The following SNX25 variants were observed in gnomAD, a reference collection of about 807,000 sequenced individuals.
The protein encoded by SNX25 is sorting nexin-25.
In SNX25, 62 loss-of-function variants were observed where a neutral mutation model predicts 113.7. The observed-to-expected ratio is 0.55, with a 90% confidence interval of 0.44 to 0.67. The LOEUF is 0.67. Ranked by LOEUF, SNX25 falls within the 30% of genes least tolerant of loss-of-function variation. SNX25 has a pLI of 0.00. For missense variants in SNX25, 1,014 were observed against 1,161.0 expected (o/e 0.87, Z 1.84); for synonymous variants, 421 against 436.2 (o/e 0.97, Z 0.43).
At chr4:185,296,952 A>G (rs969955093) in intron 6 of SNX25, among the ~76,000 whole-genome samples, 16 of 152,082 alleles carry the variant, frequency 1.1e-4, no homozygotes, top group African/African-American at 3.9e-4. Flanking sequence ...TTCAGTGTTC[A>G]TCTTCTTTGA....
chr4:185,245,364 C>T (rs1409732681), intron 1 of SNX25, among the ~76,000 whole-genome samples: 2 of 151,452 alleles, frequency 1.3e-5, no homozygotes, highest in Admixed American at 6.6e-5. Context: ...TTCTCCCAGA[C>T]AGAGTCTTGC....
At chr4:185,230,650 C>T (rs1002855580) in intron 1 of SNX25, among the ~76,000 whole-genome samples, 5 of 151,770 alleles carry the variant, frequency 3.3e-5, no homozygotes, top group East Asian at 1.9e-4. Flanking sequence ...CCACCTGCCT[C>T]GGCCTCCCAA....
chr4:185,223,535 C>T (rs2126363377), intron 1 of SNX25, among the ~76,000 whole-genome samples: 1 of 152,326 alleles, frequency 6.6e-6, no homozygotes, highest in South Asian at 2.1e-4. Context: ...GGGGCGGCGG[C>T]TCACGCCTGT....
intron 18 of SNX25, 36 bp downstream of exon 18, chr4:185,362,747 ATTT>A: frequency 6.6e-7 from 1 of 1,524,362 alleles, no homozygotes; most frequent in Admixed American, 1.8e-5. Context: ...TTCCTGCTTT[ATTT>A]TTGTCTGTTT....
In SNX25 at chr4:185,363,451, G is replaced by A. The variant is rs1198554493; in HGVS notation, c.3001G>A (p.Ala1001Thr). The change falls in exon 19 of 19, where the codon GCT (alanine) becomes ACT (threonine). Residue 1001 changes from alanine to threonine, a missense_variant. Physicochemically the swap from Ala to Thr is moderately conservative, Grantham distance 58 (BLOSUM62 0). Coordinates refer to ENST00000652585, the MANE Select transcript of SNX25 (RefSeq NM_001378034.2). This position sits in a 1 kb window ranked among gnomAD's most constrained non-coding sequence, Gnocchi z 4.2. Reference sequence around the variant, plus strand: ...GAGAGTTCATTTAGATCAACTTAAAGCTGGCCAAGTTTGAGACTACACAAA... The same window carrying A: ...GAGAGTTCATTTAGATCAACTTAAAACTGGCCAAGTTTGAGACTACACAAA... ...ELRVHLDQLK[A>T]GQV is the part of the protein sequence containing the mutation. 1 of 1,614,016 alleles carries A rather than the reference G, an allele frequency of 6.2e-7. No individual in the cohort carries two copies. Among genetic ancestry groups the A allele is most frequent in the South Asian group, 1.1e-5 (1 of 91,076 alleles).
At position 185,363,579 on chromosome 4, in the gene SNX25, C is replaced by G; in HGVS notation, c.*114C>G. 1 of 938,106 alleles carries G rather than the reference C, an allele frequency of 1.1e-6. No homozygotes were observed. Among genetic ancestry groups the G allele is most frequent in the Non-Finnish European group, 1.6e-6 (1 of 610,328 alleles). The allele number at this position is 938,106 out of a possible 1,614,324, so 58.1% of individuals were successfully genotyped here. On this transcript the variant is annotated 3_prime_UTR_variant, in exon 19 of 19. Coordinates refer to ENST00000652585, the MANE Select transcript of SNX25 (RefSeq NM_001378034.2). The surrounding 1 kb of genome is among the most constrained non-coding windows in gnomAD (Gnocchi z 4.2). ...CCGTATTGATTTTTATTTTAGTTAC[C>G]TCCCTCTAGTTTTATGTGAAATTAG...
chr4:185,346,743 G>A (rs2095288930), intron 13 of SNX25, 93 bp downstream of exon 13: 3 of 785,492 alleles, frequency 3.8e-6, no homozygotes, highest in Non-Finnish European at 6.0e-6. Flanking sequence ...TTTGCTTTTT[G>A]TTCTCACAAG....
At chr4:185,300,713 A>G (rs747602701) in intron 6 of SNX25, among the ~76,000 whole-genome samples, 9 of 152,162 alleles carry the variant, frequency 5.9e-5, no homozygotes, top group African/African-American at 1.9e-4. Flanking sequence ...TGTCCCCCCA[A>G]ATTCATATGT....
intron 3 of SNX25, among the ~76,000 whole-genome samples, chr4:185,260,313 A>C (rs1171412514): frequency 6.6e-6 from 1 of 152,098 alleles, no homozygotes; most frequent in African/African-American, 2.4e-5. Flanking sequence ...TACATTCTTA[A>C]AAGTTTCTGA....
intron 8 of SNX25, 93 bp downstream of exon 8, chr4:185,320,957 C>T (rs574124262): frequency 3.2e-4 from 369 of 1,148,204 alleles, no homozygotes; most frequent in Non-Finnish European, 4.1e-4. Flanking sequence ...GATAAGTATA[C>T]ATTAAAAATA....
At chr4:185,212,438 T>A (rs1737975106) in intron 1 of SNX25, among the ~76,000 whole-genome samples, 1 of 150,882 alleles carries the variant, frequency 6.6e-6, no homozygotes, top group Admixed American at 6.6e-5. Flanking sequence ...AAGCCTCTAG[T>A]GCTGTATTTC....
rs569687712 is a variant in SNX25 at position 185,240,219 on chromosome 4, C to T, written c.430-7075C>T. Among the ~76,000 whole-genome samples the T allele has an allele frequency of 2.0e-3, 308 of 152,230 alleles. 1 individual carries two copies. The highest frequency in any genetic ancestry group is 3.7e-3 in the Non-Finnish European group (249 of 67,994). ...ATTTCTCAGTCTTTTCCCCACCTTT[C>T]CCCCCTTTCTATTCCACAAAACCGC... On this transcript the variant is annotated intron_variant, in intron 1 of 18. Transcript: ENST00000652585.
At chr4:185,310,847 T>C (rs954282222) in intron 7 of SNX25, 31 bp downstream of exon 7, 2 of 1,552,754 alleles carry the variant, frequency 1.3e-6, no homozygotes, top group Non-Finnish European at 1.7e-6. Flanking sequence ...GTTTTGACCC[T>C]ACCAAGTTTA....
intron 1 of SNX25, among the ~76,000 whole-genome samples, chr4:185,222,401 C>T (rs1432054377): frequency 6.7e-6 from 1 of 149,744 alleles, no homozygotes; most frequent in Admixed American, 6.6e-5. Flanking sequence ...ATACAGCGCC[C>T]TATACCCCTC....
At chr4:185,231,362 G>A (rs1579382719) in intron 1 of SNX25, among the ~76,000 whole-genome samples, 1 of 151,422 alleles carries the variant, frequency 6.6e-6, no homozygotes, top group African/African-American at 2.4e-5. Context: ...GCCTCCCAAA[G>A]TGCTGGGATT....
chr4:185,324,290 A>G (rs557714184), intron 9 of SNX25, among the ~76,000 whole-genome samples: 2 of 152,250 alleles, frequency 1.3e-5, no homozygotes, highest in Non-Finnish European at 2.9e-5. Context: ...AAGAAGGCAG[A>G]AGAAATTAAA....
Position 185,351,538 on chromosome 4 carries a change from G to A in SNX25, c.2395G>A (p.Gly799Arg), listed in dbSNP as rs186178095. 65 of 1,613,972 alleles carry A rather than the reference G, an allele frequency of 4.0e-5. No homozygotes were observed. In the Admixed American group the frequency reaches 9.5e-4, roughly 24 times the overall value. ...CTACCTCAAGGTTATCGACGTGCAG[G>A]GGAAAAAAAATTCTTTTTCATTATC... ...PDYLKVIDVQ[G>R]KKNSFSLSSF... Residue 799 changes from glycine (G) to arginine (R), a missense_variant, in exon 14 of 19, where the codon GGG becomes AGG. By Grantham distance (125) the Gly-to-Arg change is moderately radical (BLOSUM62 -2). Transcript: ENST00000652585.
In SNX25 at chr4:185,212,492, T is replaced by TGTGTG. The variant is rs1491296342; in HGVS notation, c.429+2237_429+2238insGTGTG. Reference sequence around the variant, plus strand: ...GTGTGTGTGTGTGTGTGTGTGTGTGTTTTTTTTTTTTTTTGCTTTGAGACA... The same window carrying TGTGTG: ...GTGTGTGTGTGTGTGTGTGTGTGTGTGTGTGTTTTTTTTTTTTTTGCTTTGAGACA... On this transcript the variant is annotated intron_variant, in intron 1 of 18. Transcript: ENST00000652585. Among the ~76,000 whole-genome samples, 65 of 27,868 alleles carry TGTGTG rather than the reference T, an allele frequency of 2.3e-3. 1 individual carries two copies. The highest frequency in any genetic ancestry group is 6.8e-3 in the African/African-American group (58 of 8,474). 18.3% of individuals were successfully genotyped at this position (27,868 alleles called of 152,430 possible).
At chr4:185,309,664 C>G (rs1172501427) in intron 6 of SNX25, among the ~76,000 whole-genome samples, 4 of 152,186 alleles carry the variant, frequency 2.6e-5, no homozygotes, top group African/African-American at 9.7e-5. Context: ...TCCTCTTGTC[C>G]TCTCTACTGG....
Sources: allele counts gnomAD v4.1 joint callset (sites outside exome capture counted in the v4.1 genomes callset), GRCh38; gene constraint gnomAD v4.1.1; non-coding constraint Gnocchi (gnomAD v3.1); transcripts MANE v1.5; gene names NCBI Gene and HGNC (gene_info 2026-07-23, HGNC 2026-07-21).